The following SDHAF4 variants were observed in gnomAD, a reference collection of about 807,000 sequenced individuals.
SDHAF4 encodes succinate dehydrogenase assembly factor 4, mitochondrial.
Under a neutral mutation model 14.3 loss-of-function variants are expected in SDHAF4, and 14 were observed. That is an observed-to-expected ratio of 0.98 (90% CI 0.65 to 1.53). The LOEUF is 1.53. SDHAF4 is among the 40% of genes most tolerant of loss of function. The pLI, the probability that SDHAF4 is intolerant of heterozygous loss-of-function variation, is 0.00. For missense variants in SDHAF4, 141 were observed against 129.3 expected, an observed-to-expected ratio of 1.09 and a Z score of -0.44; for synonymous variants, 63 against 47.3, an observed-to-expected ratio of 1.33 and a Z score of -1.36.
At chr6:70,582,970 A>G (rs992349705) in intron 2 of SDHAF4, among the ~76,000 whole-genome samples, 6 of 152,240 alleles carry the variant, frequency 3.9e-5, no homozygotes, top group African/African-American at 1.4e-4. Flanking sequence ...CCTGCTTGAC[A>G]TAAAGATGAA....
chr6:70,591,655 T>C (rs1237319017), downstream of SDHAF4, among the ~76,000 whole-genome samples: 1 of 152,122 alleles, frequency 6.6e-6, no homozygotes, highest in Non-Finnish European at 1.5e-5. Context: ...AAAAATGAAA[T>C]TTGAAATACT....
chr6:70,576,268 C>A (rs1802254035), intron 1 of SDHAF4, among the ~76,000 whole-genome samples: 1 of 152,228 alleles, frequency 6.6e-6, no homozygotes, highest in Non-Finnish European at 1.5e-5. Flanking sequence ...ACACTGTTAC[C>A]TGACTACAAA....
rs1331332058 is a variant in SDHAF4 at position 70,589,258 on chromosome 6, C to CA, written c.*535dup. 5 of 152,072 alleles carry CA rather than the reference C, an allele frequency of 3.3e-5. No homozygotes were observed. The highest frequency in any genetic ancestry group is 6.6e-5 in the Admixed American group (1 of 15,258). The allele number at this position is 152,072 out of a possible 1,614,324, so 9.4% of individuals were successfully genotyped here. On this transcript the variant is annotated 3_prime_UTR_variant, in exon 3 of 3. Transcript: ENST00000370474. ...CAACTCACTGCAACTTCCGCCCCGCCAGGTTCAAGCAATTCTCCTGCCTCA... is the reference window on the plus strand; with the variant it reads ...CAACTCACTGCAACTTCCGCCCCGCCAAGGTTCAAGCAATTCTCCTGCCTCA...
Position 70,588,647 on chromosome 6 carries a change from G to GA in SDHAF4, c.255dup (p.Gly86ArgfsTer22). On this transcript the variant is annotated frameshift_variant, in exon 3 of 3. Transcript: ENST00000370474. LOFTEE classifies it high-confidence loss of function. The stretch of plus-strand genomic sequence containing the variant: ...AGATGATGTTAATCCAGTGACCAAA[G>GA]AAAAAGGTGGACCCAGGGGCCCAGA... 1.2e-6 allele frequency: 2 copies of GA among 1,600,178 alleles called. No individual in the cohort carries two copies.
intron 1 of SDHAF4, among the ~76,000 whole-genome samples, chr6:70,568,531 C>T (rs148723082): frequency 6.6e-6 from 1 of 152,172 alleles, no homozygotes; most frequent in East Asian, 1.9e-4. Flanking sequence ...GTCACATTGA[C>T]GCATGAGGTT....
chr6:70,595,158 C>G, the SDHAF4 span, among the ~76,000 whole-genome samples: 8 of 152,146 alleles, frequency 5.3e-5, no homozygotes, highest in African/African-American at 1.9e-4. Flanking sequence ...AACTGCTGGG[C>G]TCCCCTAAGG....
downstream of SDHAF4, among the ~76,000 whole-genome samples, chr6:70,593,434 A>G (rs771032883): frequency 6.6e-6 from 1 of 152,248 alleles, no homozygotes; most frequent in South Asian, 2.1e-4. Flanking sequence ...AGTTCCCAAC[A>G]GAGCAGTGCA....
At chr6:70,568,411 G>A (rs536280944) in intron 1 of SDHAF4, among the ~76,000 whole-genome samples, 47 of 152,260 alleles carry the variant, frequency 3.1e-4, no homozygotes, top group East Asian at 1.2e-3. Flanking sequence ...TGCCAAGGAG[G>A]TCTCTATTTG....
At chr6:70,592,064 GA>G (rs1347197959), downstream of SDHAF4, among the ~76,000 whole-genome samples, 1 of 152,264 alleles carries the variant, frequency 6.6e-6, no homozygotes, top group Non-Finnish European at 1.5e-5. Context: ...GGACTCTGCA[GA>G]GAGCTTTCAC....
intron 1 of SDHAF4, among the ~76,000 whole-genome samples, chr6:70,570,001 T>C (rs1802159271): frequency 6.6e-6 from 1 of 152,160 alleles, no homozygotes; most frequent in African/African-American, 2.4e-5. Flanking sequence ...ATAGGACCTT[T>C]CCCCTACTGA....
At position 70,579,535 on chromosome 6, in the gene SDHAF4, G is replaced by A; in HGVS notation, c.186G>A (p.Glu62=). 1 of 1,609,480 alleles carries A rather than the reference G, an allele frequency of 6.2e-7. No individual in the cohort carries two copies. Among genetic ancestry groups the A allele is most frequent in the Non-Finnish European group, 8.5e-7 (1 of 1,177,642 alleles). ...KLPEGRFDAP[E]DSHLEKEPLE... The stretch of plus-strand genomic sequence containing the variant: ...CAGAAGGTCGTTTTGATGCACCAGA[G>A]GATTCCCATTTAGAGAAAGAACCAC... The change falls in exon 2 of 3, where the codon GAG becomes GAA. Residue 62 remains glutamate (E), a synonymous_variant. Transcript: ENST00000370474.
At chr6:70,579,721 C>T (rs1484198263) in intron 2 of SDHAF4, among the ~76,000 whole-genome samples, 155 bp downstream of exon 2, 2 of 152,078 alleles carry the variant, frequency 1.3e-5, no homozygotes, top group African/African-American at 4.8e-5. Context: ...TATTGACCAT[C>T]GATACATGTA....
the SDHAF4 span, among the ~76,000 whole-genome samples, chr6:70,597,833 C>T: frequency 1.3e-5 from 2 of 152,114 alleles, no homozygotes; most frequent in East Asian, 3.8e-4. Context: ...AGTGATAAAA[C>T]TAAGATTCCT....
chr6:70,578,347 A>C (rs921273658), intron 1 of SDHAF4, among the ~76,000 whole-genome samples: 4 of 152,024 alleles, frequency 2.6e-5, no homozygotes, highest in African/African-American at 9.7e-5. Context: ...ATTTTTTAAT[A>C]TGTTTGTTGG....
Position 70,573,029 on chromosome 6 carries a change from C to CAGT in SDHAF4, c.64+6029_64+6031dup, listed in dbSNP as rs1471013159. Among the ~76,000 whole-genome samples, 3 of 151,992 alleles carry CAGT rather than the reference C, an allele frequency of 2.0e-5. No homozygotes were observed. In the East Asian group the frequency reaches 5.8e-4, roughly 29 times the overall value. On this transcript the variant is annotated intron_variant, in intron 1 of 2. Coordinates refer to ENST00000370474, the MANE Select transcript of SDHAF4 (RefSeq NM_145267.3). ...CTTGTCCTGTCACCAGGATAGAGAGCAGTAGTGCAGTCATAGCTCATTACA... is the reference window on the plus strand; with the variant it reads ...CTTGTCCTGTCACCAGGATAGAGAGCAGTAGTAGTGCAGTCATAGCTCATTACA...
At chr6:70,585,376 C>T (rs1296225152) in intron 2 of SDHAF4, among the ~76,000 whole-genome samples, 1 of 152,038 alleles carries the variant, frequency 6.6e-6, no homozygotes, top group Non-Finnish European at 1.5e-5. Flanking sequence ...GGAATAATGC[C>T]CTTATAAGAA....
At chr6:70,595,569 A>G in the SDHAF4 span, among the ~76,000 whole-genome samples, 1 of 152,230 alleles carries the variant, frequency 6.6e-6, no homozygotes, top group African/African-American at 2.4e-5. Context: ...AAAGTTTTTT[A>G]CTAAGTTAAC....
chr6:70,595,249 A>G, the SDHAF4 span, among the ~76,000 whole-genome samples: 3 of 152,342 alleles, frequency 2.0e-5, no homozygotes, highest in South Asian at 6.2e-4. Flanking sequence ...TGAATTACTT[A>G]GGAAGAAAGG....
At chr6:70,575,931 C>T (rs189967769) in intron 1 of SDHAF4, among the ~76,000 whole-genome samples, 32 of 152,226 alleles carry the variant, frequency 2.1e-4, no homozygotes, top group Admixed American at 7.2e-4. Context: ...AGCTATTTCC[C>T]GTGTAGTCGA....
Sources: gnomAD v4.1 joint callset for allele counts (sites outside exome capture counted in the v4.1 genomes callset) on GRCh38, gnomAD v4.1.1 for gene constraint, MANE v1.5 for transcripts, NCBI Gene and HGNC (gene_info 2026-07-23, HGNC 2026-07-21) for gene names.